Variants in FHIT observed in about 807,000 individuals in gnomAD.
FHIT encodes the protein fragile histidine triad diadenosine triphosphatase, also known as bis(5'-adenosyl)-triphosphatase.
A neutral mutation model predicts 17.9 loss-of-function variants in FHIT; 19 were observed. The ratio of observed to expected loss-of-function variants is 1.06; its 90% confidence interval spans 0.74 to 1.56. The LOEUF (loss-of-function observed/expected upper bound fraction) is 1.56, where lower values mean the gene tolerates loss of function less well. FHIT is among the 40% of genes most tolerant of loss of function. FHIT has a pLI of 0.00. For missense variants in FHIT, 248 were observed against 189.2 expected, an observed-to-expected ratio of 1.31 and a Z score of -1.82; for synonymous variants, 81 against 69.7, an observed-to-expected ratio of 1.16 and a Z score of -0.81.
intron 5 of FHIT, among the ~76,000 whole-genome samples, chr3:60,249,362 G>A (rs948352112): frequency 6.6e-5 from 10 of 151,980 alleles, no homozygotes; most frequent in South Asian, 2.1e-4. Flanking sequence ...CGGAAACAGC[G>A]TCTTCTCCTC....
intron 5 of FHIT, among the ~76,000 whole-genome samples, chr3:60,034,309 C>T (rs1701122585): frequency 6.6e-6 from 1 of 152,204 alleles, no homozygotes; most frequent in Admixed American, 6.5e-5. Flanking sequence ...GGCTGGCTCA[C>T]ACACACATAC....
chr3:60,959,442 A>G (rs17064259), intron 3 of FHIT, among the ~76,000 whole-genome samples: 11,242 of 152,210 alleles, frequency 0.074, 1,343 homozygotes, highest in African/African-American at 0.25. Flanking sequence ...AACAAACAGC[A>G]TATGCCAAGC....
intron 5 of FHIT, among the ~76,000 whole-genome samples, chr3:60,322,497 A>G (rs1487599287): frequency 6.6e-6 from 1 of 152,252 alleles, no homozygotes; most frequent in Non-Finnish European, 1.5e-5. Flanking sequence ...TTTATTAACA[A>G]GAAGTCTAAG....
chr3:61,110,721 C>T (rs1233034543), intron 2 of FHIT, among the ~76,000 whole-genome samples: 1 of 152,156 alleles, frequency 6.6e-6, no homozygotes. Flanking sequence ...AGGAAGAAGG[C>T]TCTGCATCTA....
chr3:60,769,297 C>T (rs1232151144), intron 4 of FHIT, among the ~76,000 whole-genome samples: 2 of 152,056 alleles, frequency 1.3e-5, no homozygotes, highest in Non-Finnish European at 2.9e-5. Context: ...AATTATAGTG[C>T]TATTTTCCCA....
intron 5 of FHIT, among the ~76,000 whole-genome samples, chr3:60,236,771 A>G (rs1405533748): frequency 6.6e-6 from 1 of 152,180 alleles, no homozygotes; most frequent in African/African-American, 2.4e-5. Context: ...ACCATATAGA[A>G]AAATATAAAA....
intron 5 of FHIT, among the ~76,000 whole-genome samples, chr3:60,333,343 G>C (rs764587810): frequency 3.3e-5 from 5 of 152,186 alleles, no homozygotes; most frequent in African/African-American, 4.8e-5. Context: ...ATTTCCCAAA[G>C]AAATCATAGA....
At chr3:59,971,743 T>C (rs918316215) in intron 7 of FHIT, among the ~76,000 whole-genome samples, 37 of 152,174 alleles carry the variant, frequency 2.4e-4, no homozygotes, top group African/African-American at 8.2e-4. Context: ...CATTCACTCA[T>C]TGTATGACCT....
At chr3:60,509,928 C>T (rs1235731453) in intron 5 of FHIT, among the ~76,000 whole-genome samples, 1 of 152,166 alleles carries the variant, frequency 6.6e-6, no homozygotes, top group Non-Finnish European at 1.5e-5. Context: ...CCGTCTCAAC[C>T]TTTGCCAACA....
At chr3:60,303,025 A>T (rs754626086) in intron 5 of FHIT, among the ~76,000 whole-genome samples, 72 of 152,168 alleles carry the variant, frequency 4.7e-4, no homozygotes, top group East Asian at 9.6e-4. Context: ...TTTTTGTTGC[A>T]TGGGAATAAA....
At chr3:60,968,600 A>T (rs1025387188) in intron 3 of FHIT, among the ~76,000 whole-genome samples, 3 of 152,222 alleles carry the variant, frequency 2.0e-5, no homozygotes, top group African/African-American at 7.2e-5. Context: ...TTTATTAGAG[A>T]CAGGATTTCA....
At chr3:60,486,617 C>T (rs2033852668) in intron 5 of FHIT, among the ~76,000 whole-genome samples, 1 of 152,134 alleles carries the variant, frequency 6.6e-6, no homozygotes, top group African/African-American at 2.4e-5. Flanking sequence ...CTGATGTCTC[C>T]TCCATTAATT....
chr3:60,796,611 C>T (rs1700988585), intron 4 of FHIT, among the ~76,000 whole-genome samples: 1 of 152,098 alleles, frequency 6.6e-6, no homozygotes, highest in South Asian at 2.1e-4. Context: ...GAGATGGAGT[C>T]TTGGTCTGTC....
At chr3:61,141,123 C>A (rs1238061993) in intron 2 of FHIT, among the ~76,000 whole-genome samples, 2 of 151,944 alleles carry the variant, frequency 1.3e-5, no homozygotes, top group Non-Finnish European at 2.9e-5. Flanking sequence ...CTCAAGACAG[C>A]CTAAGCTGTT....
chr3:59,802,809 C>T (rs1700052525), intron 8 of FHIT, among the ~76,000 whole-genome samples: 1 of 152,172 alleles, frequency 6.6e-6, no homozygotes, highest in East Asian at 1.9e-4. Context: ...TTCACTACTG[C>T]TATAATCCTA....
intron 3 of FHIT, among the ~76,000 whole-genome samples, chr3:61,022,884 T>C (rs573528654): frequency 1.4e-4 from 21 of 152,236 alleles, no homozygotes; most frequent in Admixed American, 3.3e-4. Flanking sequence ...CTACAGCCAA[T>C]ATCCCACCAA....
chr3:60,416,859 G>T (rs1050250228), intron 5 of FHIT, among the ~76,000 whole-genome samples: 1 of 152,082 alleles, frequency 6.6e-6, no homozygotes, highest in African/African-American at 2.4e-5. Flanking sequence ...GGCCGAGGCG[G>T]GAGGATCACG....
intron 5 of FHIT, among the ~76,000 whole-genome samples, chr3:60,396,167 A>T (rs1004930200): frequency 1.3e-5 from 2 of 152,104 alleles, no homozygotes; most frequent in Admixed American, 6.6e-5. Flanking sequence ...CCTCTTGTTG[A>T]TATTTGGGTA....
At chr3:60,816,407 A>G (rs1461868177) in intron 4 of FHIT, among the ~76,000 whole-genome samples, 1 of 152,000 alleles carries the variant, frequency 6.6e-6, no homozygotes, top group Non-Finnish European at 1.5e-5. Context: ...ATTTAGAGGT[A>G]TGTTCTTCAG....
Sources: gnomAD v4.1 joint callset for allele counts (sites outside exome capture counted in the v4.1 genomes callset) on GRCh38, gnomAD v4.1.1 for gene constraint, MANE v1.5 for transcripts, NCBI Gene and HGNC (gene_info 2026-07-23, HGNC 2026-07-21) for gene names.